Variants in FRMPD4 observed in about 807,000 individuals in gnomAD.
FRMPD4 encodes FERM and PDZ domain-containing protein 4.
In FRMPD4, 22 loss-of-function variants were observed where a neutral mutation model predicts 94.1. The observed-to-expected ratio is 0.23, with a 90% CI of 0.17 to 0.33. FRMPD4 has a LOEUF of 0.33. Among genes scored for constraint, FRMPD4 ranks in the 10% least tolerant of loss-of-function variants. The pLI is 1.00. For synonymous variants in FRMPD4, 631 were observed against 548.6 expected (o/e 1.15, Z -2.10); for missense variants, 1,111 against 1,339.9 (o/e 0.83, Z 2.67).
rs151114422 is a variant in FRMPD4, at chrX:12,510,796, C to T, written c.158+12000C>T. On this transcript the variant is annotated intron_variant, in intron 2 of 16. Transcript: ENST00000675598. ...CTCTTTTAGGATGAAAACAAAAGAG[C>T]GGACCATGCATCTAGCATTTGGGCT... is the stretch of plus-strand genomic sequence containing the variant. 1.2e-3 allele frequency among the ~76,000 whole-genome samples: 132 copies of T among 112,342 alleles called. 1 individual carries two copies. Among genetic ancestry groups the T allele is most frequent in the African/African-American group, 2.4e-3 (75 of 30,985 alleles).
intron 1 of FRMPD4, among the ~76,000 whole-genome samples, chrX:12,197,267 A>C (rs1201330770): frequency 9.0e-6 from 1 of 110,864 alleles, no homozygotes; most frequent in East Asian, 2.8e-4. Flanking sequence ...ACACACTTTA[A>C]ATCTTGCTTC....
intron 1 of FRMPD4, among the ~76,000 whole-genome samples, chrX:12,271,372 C>A (rs967794787): frequency 8.9e-6 from 1 of 111,996 alleles, no homozygotes; most frequent in African/African-American, 3.2e-5. Flanking sequence ...CTTTCCAATC[C>A]TTAACTGGGC....
At chrX:12,125,810 T>A (rs975795133) in intron 3 of FRMPD4, among the ~76,000 whole-genome samples, 1 of 112,306 alleles carries the variant, frequency 8.9e-6, no homozygotes, top group East Asian at 2.8e-4. Flanking sequence ...TTCTCCTACG[T>A]TGAAGAGGGC....
chrX:12,055,180 T>G (rs2054847185), intron 3 of FRMPD4, among the ~76,000 whole-genome samples: 1 of 112,235 alleles, frequency 8.9e-6, no homozygotes, highest in Non-Finnish European at 1.9e-5. Context: ...GCTAACTCAA[T>G]GAAGATAAGA....
chrX:12,118,680 G>T (rs1277290544), intron 3 of FRMPD4, among the ~76,000 whole-genome samples: 5 of 111,568 alleles, frequency 4.5e-5, no homozygotes, highest in African/African-American at 1.6e-4. Flanking sequence ...ATGGCCTTTG[G>T]CTGGGAAGCA....
At chrX:12,109,144 T>C (rs2055330700) in intron 3 of FRMPD4, among the ~76,000 whole-genome samples, 1 of 111,819 alleles carries the variant, frequency 8.9e-6, no homozygotes, top group African/African-American at 3.3e-5. Flanking sequence ...CACATCACAC[T>C]TATTCCAAAA....
intron 1 of FRMPD4, among the ~76,000 whole-genome samples, chrX:12,495,337 C>T (rs768707629): frequency 1.7e-3 from 186 of 112,287 alleles, no homozygotes; most frequent in African/African-American, 5.9e-3. Flanking sequence ...ACAAAATTCA[C>T]TTAGTATTCT....
chrX:11,830,040 C>T (rs1330393704), intron 1 of FRMPD4, among the ~76,000 whole-genome samples: 6 of 111,081 alleles, frequency 5.4e-5, no homozygotes, highest in Non-Finnish European at 1.9e-5. Context: ...AGTGGAGAAC[C>T]AAGAGACATT....
chrX:12,648,156 A>G (rs1378675444), intron 4 of FRMPD4, among the ~76,000 whole-genome samples: 2 of 111,408 alleles, frequency 1.8e-5, no homozygotes, highest in African/African-American at 3.3e-5. Flanking sequence ...TAATTATTCT[A>G]TTACTAAAGA....
chrX:12,570,103 T>C (rs368830331), intron 2 of FRMPD4, among the ~76,000 whole-genome samples: 1 of 111,666 alleles, frequency 9.0e-6, no homozygotes, highest in African/African-American at 3.3e-5. Context: ...TGATATTGTA[T>C]TGGAGTACAT....
intron 16 of FRMPD4, 39 bp downstream of exon 16, chrX:12,718,829 C>G (rs750616053): frequency 8.5e-6 from 7 of 822,924 alleles, no homozygotes; most frequent in Non-Finnish European, 1.8e-6. Flanking sequence ...TATGACATGC[C>G]AAGAGCATGT....
chrX:12,449,022 T>C (rs1385665366), intron 1 of FRMPD4, among the ~76,000 whole-genome samples: 1 of 111,705 alleles, frequency 9.0e-6, no homozygotes, highest in Non-Finnish European at 1.9e-5. Flanking sequence ...AGGAATTAAT[T>C]CTCTATTTCA....
intron 4 of FRMPD4, among the ~76,000 whole-genome samples, chrX:12,669,525 A>T (rs2059817442): frequency 8.9e-6 from 1 of 112,227 alleles, no homozygotes; most frequent in Non-Finnish European, 1.9e-5. Context: ...ATGCAACACT[A>T]GGTAACTGAT....
intron 1 of FRMPD4, among the ~76,000 whole-genome samples, chrX:12,425,884 C>T (rs1229757276): frequency 8.9e-6 from 1 of 111,846 alleles, no homozygotes; most frequent in Non-Finnish European, 1.9e-5. Context: ...GTGTTAGCCA[C>T]GTAATTCCCA....
intron 3 of FRMPD4, among the ~76,000 whole-genome samples, chrX:12,062,684 T>G (rs1483128445): frequency 9.0e-6 from 1 of 111,376 alleles, no homozygotes; most frequent in East Asian, 2.8e-4. Flanking sequence ...GCAGAGGTTG[T>G]TTGTGCTGTT....
At chrX:12,320,906 G>T (rs1490431945) in intron 1 of FRMPD4, among the ~76,000 whole-genome samples, 1 of 111,965 alleles carries the variant, frequency 8.9e-6, no homozygotes, top group Non-Finnish European at 1.9e-5. Flanking sequence ...TGCAGCCTAA[G>T]TACCAACAGA....
chrX:11,865,318 T>C (rs965234112), intron 2 of FRMPD4, among the ~76,000 whole-genome samples: 1 of 112,129 alleles, frequency 8.9e-6, no homozygotes, highest in African/African-American at 3.2e-5. Flanking sequence ...TTTAGTATTG[T>C]TGCAAATATA....
intron 3 of FRMPD4, among the ~76,000 whole-genome samples, chrX:11,934,435 G>T (rs781765965): frequency 1.8e-5 from 2 of 111,628 alleles, no homozygotes; most frequent in African/African-American, 6.5e-5. Context: ...TTGAGACAGT[G>T]GTTTCTAGGC....
intron 1 of FRMPD4, among the ~76,000 whole-genome samples, chrX:12,277,007 G>A (rs868039018): frequency 7.7e-5 from 8 of 103,588 alleles, no homozygotes; most frequent in South Asian, 4.6e-4. Flanking sequence ...TGTAGTCCCA[G>A]CTACTCGGGA....
Sources: allele counts gnomAD v4.1 joint callset (sites outside exome capture counted in the v4.1 genomes callset), GRCh38; gene constraint gnomAD v4.1.1; transcripts MANE v1.5; gene names NCBI Gene and HGNC (gene_info 2026-07-23, HGNC 2026-07-21).